Variants in PTPRT observed in about 807,000 individuals in gnomAD.
The protein encoded by PTPRT is receptor-type tyrosine-protein phosphatase T.
A neutral mutation model predicts 176.8 loss-of-function variants in PTPRT; 56 were observed. That is an observed-to-expected ratio of 0.32 (90% CI 0.26 to 0.40). The LOEUF is 0.40. Among genes scored for constraint, PTPRT ranks in the 10% least tolerant of loss-of-function variants. The pLI is 1.00. For missense variants in PTPRT, 1,540 were observed against 1,908.2 expected (o/e 0.81, Z 3.60); for synonymous variants, 783 against 739.0 (o/e 1.06, Z -0.96).
intron 7 of PTPRT, among the ~76,000 whole-genome samples, chr20:42,577,966 TG>T (rs1182725839): frequency 6.7e-6 from 1 of 148,688 alleles, no homozygotes; most frequent in Admixed American, 6.8e-5. Context: ...TGTGTGTGTG[TG>T]TGTAGGCATA....
intron 7 of PTPRT, among the ~76,000 whole-genome samples, chr20:42,660,648 T>C (rs771026412): frequency 6.6e-6 from 1 of 152,176 alleles, no homozygotes; most frequent in Non-Finnish European, 1.5e-5. Flanking sequence ...ACAACATTCA[T>C]TCATGCATGC....
chr20:42,105,438 TC>T (rs1475706730), intron 24 of PTPRT, among the ~76,000 whole-genome samples: 1 of 152,178 alleles, frequency 6.6e-6, no homozygotes, highest in African/African-American at 2.4e-5. Context: ...CTCCTGAAAC[TC>T]CACTCCCTCT....
At chr20:42,382,903 C>T (rs1221915653) in intron 9 of PTPRT, among the ~76,000 whole-genome samples, 2 of 152,128 alleles carry the variant, frequency 1.3e-5, no homozygotes, top group Non-Finnish European at 2.9e-5. Flanking sequence ...CCAACTATCA[C>T]TATAGCATGA....
chr20:42,585,078 A>C (rs1347059291), intron 7 of PTPRT, among the ~76,000 whole-genome samples: 1 of 152,152 alleles, frequency 6.6e-6, no homozygotes, highest in Non-Finnish European at 1.5e-5. Context: ...ACGTGGATAC[A>C]TGGAAAAAAA....
At chr20:42,453,591 C>T (rs914880841) in intron 8 of PTPRT, among the ~76,000 whole-genome samples, 1 of 151,832 alleles carries the variant, frequency 6.6e-6, no homozygotes, top group African/African-American at 2.4e-5. Flanking sequence ...TCTCCTTTTT[C>T]TTTCTCCATC....
intron 7 of PTPRT, among the ~76,000 whole-genome samples, chr20:42,557,027 G>A (rs556720913): frequency 6.6e-6 from 1 of 152,160 alleles, no homozygotes; most frequent in South Asian, 2.1e-4. Flanking sequence ...TTTCGCTACT[G>A]GGAAAGACTA....
At chr20:42,092,555 C>T (rs191852892) in intron 27 of PTPRT, among the ~76,000 whole-genome samples, 87 of 152,168 alleles carry the variant, frequency 5.7e-4, no homozygotes, top group Non-Finnish European at 9.0e-4. Flanking sequence ...GTCTCTTGAC[C>T]CCAGGTTTCT....
chr20:42,439,094 T>A (rs2059289022), intron 9 of PTPRT, among the ~76,000 whole-genome samples: 1 of 152,216 alleles, frequency 6.6e-6, no homozygotes, highest in Middle Eastern at 3.2e-3. Flanking sequence ...GACCTGTATA[T>A]GGCATCTAAC....
At chr20:42,975,049 G>A (rs1487807758) in intron 1 of PTPRT, among the ~76,000 whole-genome samples, 5 of 152,072 alleles carry the variant, frequency 3.3e-5, no homozygotes, top group African/African-American at 7.2e-5. Flanking sequence ...CTCTGCCTCC[G>A]TGAGCCTGAC....
chr20:42,816,352 A>G (rs1600781380), intron 2 of PTPRT, among the ~76,000 whole-genome samples: 1 of 152,360 alleles, frequency 6.6e-6, no homozygotes, highest in Middle Eastern at 3.4e-3. Flanking sequence ...TAATCCTAGC[A>G]CACGGTTTGG....
At chr20:43,103,523 A>G (rs1600715636) in intron 1 of PTPRT, among the ~76,000 whole-genome samples, 1 of 151,818 alleles carries the variant, frequency 6.6e-6, no homozygotes, top group Admixed American at 6.6e-5. Flanking sequence ...AGGGATTACC[A>G]CCCTTGCCAT....
chr20:42,192,952 G>C (rs1991057567), intron 16 of PTPRT, among the ~76,000 whole-genome samples: 2 of 152,130 alleles, frequency 1.3e-5, no homozygotes, highest in Admixed American at 1.3e-4. Context: ...GGGAATAGAG[G>C]AACCAGTAAG....
chr20:42,726,780 G>A (rs145773142), intron 6 of PTPRT, among the ~76,000 whole-genome samples: 68 of 152,264 alleles, frequency 4.5e-4, no homozygotes, highest in Admixed American at 1.8e-3. Flanking sequence ...GCACACACAC[G>A]TGCAGCTCAC....
chr20:43,025,113 T>C (rs531490665), intron 1 of PTPRT, among the ~76,000 whole-genome samples: 271 of 152,356 alleles, frequency 1.8e-3, no homozygotes, highest in African/African-American at 6.3e-3. Flanking sequence ...ACTTACAGGA[T>C]AACCTGTTCT....
intron 16 of PTPRT, among the ~76,000 whole-genome samples, chr20:42,176,470 G>C (rs1397795408): frequency 6.6e-6 from 1 of 152,134 alleles, no homozygotes; most frequent in Non-Finnish European, 1.5e-5. Context: ...CAGGGGACTG[G>C]ACATGATTTG....
At chr20:42,602,952 C>A (rs1013857000) in intron 7 of PTPRT, among the ~76,000 whole-genome samples, 2 of 152,188 alleles carry the variant, frequency 1.3e-5, no homozygotes, top group Non-Finnish European at 2.9e-5. Flanking sequence ...AAATGTCCTG[C>A]ATGCTCTGAA....
At chr20:42,461,352 A>C (rs2071016389) in intron 8 of PTPRT, among the ~76,000 whole-genome samples, 1 of 152,122 alleles carries the variant, frequency 6.6e-6, no homozygotes, top group Non-Finnish European at 1.5e-5. Flanking sequence ...AAATAAAATA[A>C]AATAAATAAA....
intron 7 of PTPRT, among the ~76,000 whole-genome samples, chr20:42,658,810 A>C (rs969100491): frequency 6.6e-6 from 1 of 152,204 alleles, no homozygotes; most frequent in African/African-American, 2.4e-5. Flanking sequence ...TCTATTATAT[A>C]TTATTCAATT....
At chr20:42,222,791 C>A (rs2055915458) in intron 15 of PTPRT, among the ~76,000 whole-genome samples, 1 of 152,206 alleles carries the variant, frequency 6.6e-6, no homozygotes, top group African/African-American at 2.4e-5. Flanking sequence ...TCCCCGAGTT[C>A]TGTGAGCTGC....
Sources: gnomAD v4.1 joint callset for allele counts (sites outside exome capture counted in the v4.1 genomes callset) on GRCh38, gnomAD v4.1.1 for gene constraint, MANE v1.5 for transcripts, NCBI Gene and HGNC (gene_info 2026-07-23, HGNC 2026-07-21) for gene names.